Variants in ENPP3 observed in about 807,000 individuals in gnomAD.
The protein encoded by ENPP3 is ectonucleotide pyrophosphatase/phosphodiesterase 3, also known as ectonucleotide pyrophosphatase/phosphodiesterase family member 3.
Under a neutral mutation model 117.8 loss-of-function variants are expected in ENPP3, and 104 were observed. The ratio of observed to expected loss-of-function variants is 0.88; its 90% CI spans 0.75 to 1.04. The LOEUF (loss-of-function observed/expected upper bound fraction) is 1.04. Among genes scored for constraint, ENPP3 ranks in the 50% least tolerant of loss-of-function variants. The pLI, the probability that ENPP3 is intolerant of heterozygous loss-of-function variation, is 0.00. For synonymous variants in ENPP3, 380 were observed against 349.9 expected (o/e 1.09, Z -0.96); for missense variants, 1,026 against 1,051.9 (o/e 0.98, Z 0.34).
At chr6:131,644,092 C>A (rs556231636) in intron 2 of ENPP3, among the ~76,000 whole-genome samples, 2 of 152,024 alleles carry the variant, frequency 1.3e-5, no homozygotes, top group Non-Finnish European at 2.9e-5. Context: ...CCTTGCCTGG[C>A]ATGTTCCATT....
intron 15 of ENPP3, chr6:131,700,771 A>G (rs1257805857): frequency 2.0e-6 from 3 of 1,495,476 alleles, no homozygotes; most frequent in Admixed American, 4.0e-5. Context: ...ACAATTGTGG[A>G]CAAGGGTCCC....
At chr6:131,689,020 C>T (rs1779220697) in intron 14 of ENPP3, among the ~76,000 whole-genome samples, 1 of 151,696 alleles carries the variant, frequency 6.6e-6, no homozygotes, top group South Asian at 2.1e-4. Context: ...GAGCTGAGAT[C>T]ACGCCACTGC....
intron 6 of ENPP3, among the ~76,000 whole-genome samples, chr6:131,669,721 C>T (rs78773268): frequency 0.07 from 10,489 of 150,104 alleles, 756 homozygotes; most frequent in African/African-American, 0.18. Flanking sequence ...AACTCCCTTT[C>T]CTTCTCCTAC....
chr6:131,668,096 T>C (rs996064870), intron 6 of ENPP3, among the ~76,000 whole-genome samples: 4 of 152,158 alleles, frequency 2.6e-5, no homozygotes. Context: ...AACAGTTTGC[T>C]ATGTTTTCCA....
intron 2 of ENPP3, chr6:131,642,752 G>C (rs1347508982): frequency 6.6e-6 from 1 of 152,130 alleles, no homozygotes; most frequent in Non-Finnish European, 1.5e-5. Flanking sequence ...TTAATTTTGT[G>C]TAGACATGGG....
intron 6 of ENPP3, 22 bp downstream of exon 6, chr6:131,658,442 G>A (rs376373611): frequency 1.6e-6 from 2 of 1,235,128 alleles, no homozygotes; most frequent in South Asian, 1.2e-5. Context: ...GTAACTAGTG[G>A]CATGCAAATG....
chr6:131,721,165 C>T (rs1446429540), intron 17 of ENPP3, among the ~76,000 whole-genome samples: 4 of 152,160 alleles, frequency 2.6e-5, no homozygotes, highest in Non-Finnish European at 5.9e-5. Flanking sequence ...TACCTTCCTA[C>T]CTACGTGCTT....
intron 15 of ENPP3, chr6:131,700,129 C>A: frequency 3.4e-5 from 1 of 29,586 alleles, no homozygotes; most frequent in Non-Finnish European, 5.4e-5. Context: ...GACTATAGAA[C>A]TTATTTTTAA....
At chr6:131,638,272 A>G (rs1777969132) in intron 1 of ENPP3, among the ~76,000 whole-genome samples, 1 of 152,128 alleles carries the variant, frequency 6.6e-6, no homozygotes, top group African/African-American at 2.4e-5. Flanking sequence ...CCTTGCTTCT[A>G]CCATGACATT....
chr6:131,687,784 C>A (rs982430410), intron 14 of ENPP3, among the ~76,000 whole-genome samples: 10 of 151,992 alleles, frequency 6.6e-5, no homozygotes, highest in African/African-American at 2.4e-4. Flanking sequence ...AAATGTAAAC[C>A]AAAACCACAA....
intron 6 of ENPP3, among the ~76,000 whole-genome samples, chr6:131,664,185 CT>C (rs1471530090): frequency 6.6e-6 from 1 of 152,110 alleles, no homozygotes; most frequent in Admixed American, 6.6e-5. Flanking sequence ...ATTATTGCCC[CT>C]GAAGACCTTT....
rs200310715 is a variant in ENPP3 at position 131,681,509 on chromosome 6, G to GAA, written c.1012-1535_1012-1534dup. Among the ~76,000 whole-genome samples the GAA allele has an allele frequency of 3.6e-3, 509 of 142,964 alleles. 3 individuals carry two copies. The highest frequency in any genetic ancestry group is 0.012 in the African/African-American group (485 of 39,900). 93.8% of individuals were successfully genotyped at this position (142,964 alleles called of 152,430 possible). A position where few individuals can be genotyped will look rare whatever the true frequency, so the allele number is the denominator to read the frequency against. The stretch of plus-strand genomic sequence containing the variant: ...TGCTATTATGCTTTCTTATTCACTG[G>GAA]AAAAAAAAAAACACAGAAAATTTAC... On this transcript the variant is annotated intron_variant, in intron 11 of 24. Coordinates refer to ENST00000357639, the MANE Select transcript of ENPP3 (RefSeq NM_005021.5).
chr6:131,730,510 G>A (rs984962764), intron 20 of ENPP3, among the ~76,000 whole-genome samples: 19 of 152,176 alleles, frequency 1.2e-4, no homozygotes, highest in African/African-American at 4.3e-4. Flanking sequence ...GAAAGAAAAA[G>A]GGGAAGATAC....
chr6:131,652,487 G>T lies in ENPP3; in HGVS notation c.278-55G>T, dbSNP rs542147949. ...ATATAGGAATAAATAAATGAAATTT[G>T]TATATTTTATACTGCAGGCTTAAAT... On this transcript the variant is annotated intron_variant, in intron 3 of 24. Coordinates refer to ENST00000357639, the MANE Select transcript of ENPP3 (RefSeq NM_005021.5). The T allele has an allele frequency of 4.5e-6, 7 of 1,542,220 alleles. No homozygotes were observed. In the South Asian group the frequency reaches 7.1e-5, roughly 16 times the overall value.
intron 15 of ENPP3, among the ~76,000 whole-genome samples, chr6:131,697,068 A>T (rs1202646668): frequency 6.6e-6 from 1 of 152,062 alleles, no homozygotes; most frequent in Non-Finnish European, 1.5e-5. Context: ...TGCCGGCCTG[A>T]GCACCTTTTT....
At chr6:131,656,768 A>G (rs79191257) in intron 5 of ENPP3, among the ~76,000 whole-genome samples, 1 of 146,962 alleles carries the variant, frequency 6.8e-6, no homozygotes, top group Non-Finnish European at 1.5e-5. Context: ...CTCCGTCTCA[A>G]AAAAAAAAAA....
intron 24 of ENPP3, among the ~76,000 whole-genome samples, chr6:131,745,947 C>G (rs886092671): frequency 9.2e-5 from 14 of 152,076 alleles, no homozygotes; most frequent in African/African-American, 3.4e-4. Flanking sequence ...GGTGAAACCC[C>G]ATCTCTACTA....
intron 6 of ENPP3, among the ~76,000 whole-genome samples, chr6:131,668,732 A>G (rs1225187721): frequency 6.6e-6 from 1 of 152,228 alleles, no homozygotes; most frequent in African/African-American, 2.4e-5. Flanking sequence ...TCGAGGGTAT[A>G]AGTAAAAATA....
Position 131,686,976 on chromosome 6 carries a change from T to G in ENPP3, c.1284+1069T>G, listed in dbSNP as rs186089078. Among the ~76,000 whole-genome samples, 4 of 152,322 alleles carry G rather than the reference T, an allele frequency of 2.6e-5. No homozygotes were observed. The East Asian group carries it at 7.7e-4, about 29-fold the overall frequency. ...TGTGAATAATGCAGCAATACACATA[T>G]GAGTTTATGTGTCTTTTTGGTAGAA... On this transcript the variant is annotated intron_variant, in intron 14 of 24. Coordinates refer to ENST00000357639, the MANE Select transcript of ENPP3 (RefSeq NM_005021.5).
Sources: allele counts gnomAD v4.1 joint callset (sites outside exome capture counted in the v4.1 genomes callset), GRCh38; gene constraint gnomAD v4.1.1; transcripts MANE v1.5; gene names NCBI Gene and HGNC (gene_info 2026-07-23, HGNC 2026-07-21).